The following NR5A2 variants were observed in gnomAD, a reference collection of about 807,000 sequenced individuals.
The protein encoded by NR5A2 is nuclear receptor subfamily 5 group A member 2, also known as CYP7A promoter-binding factor.
In NR5A2, 26 loss-of-function variants were observed where a neutral mutation model predicts 62.7. The ratio of observed to expected loss-of-function variants is 0.41; its 90% confidence interval spans 0.30 to 0.58. NR5A2 has a LOEUF of 0.58. Among genes scored for constraint, NR5A2 ranks in the 20% least tolerant of loss-of-function variants. The pLI, the probability that NR5A2 is intolerant of heterozygous loss-of-function variation, is 0.22. For missense variants in NR5A2, 541 were observed against 669.1 expected (o/e 0.81, Z 2.11); for synonymous variants, 246 against 241.7 (o/e 1.02, Z -0.16).
chr1:200,092,098 CT>C (rs1268381871), intron 5 of NR5A2, among the ~76,000 whole-genome samples: 1 of 152,064 alleles, frequency 6.6e-6, no homozygotes, highest in Non-Finnish European at 1.5e-5. Context: ...TCTCTCTGAA[CT>C]TTTTTGAGAG....
chr1:200,037,071 A>G (rs374647314), intron 1 of NR5A2, among the ~76,000 whole-genome samples: 1 of 152,242 alleles, frequency 6.6e-6, no homozygotes, highest in African/African-American at 2.4e-5. Flanking sequence ...ACCACTCTCC[A>G]TCTTTCGGGG....
At chr1:200,043,721 C>A in intron 2 of NR5A2, 53 bp from the exon 3 acceptor site, 1 of 1,149,910 alleles carries the variant, frequency 8.7e-7, no homozygotes, top group Non-Finnish European at 1.3e-6. Flanking sequence ...GCAGGATTAA[C>A]ACCTACATGT....
chr1:200,171,206 T>C (rs1377505126), intron 7 of NR5A2, among the ~76,000 whole-genome samples: 1 of 152,218 alleles, frequency 6.6e-6, no homozygotes, highest in African/African-American at 2.4e-5. Flanking sequence ...AAAATAGACA[T>C]TCGGCAAGTA....
chr1:200,075,965 TTC>T (rs1490100112), intron 5 of NR5A2, among the ~76,000 whole-genome samples: 1 of 152,200 alleles, frequency 6.6e-6, no homozygotes, highest in Non-Finnish European at 1.5e-5. Flanking sequence ...TGGTATTCTG[TTC>T]TCTTGATTTT....
chr1:200,116,472 C>T (rs1374026178), intron 6 of NR5A2, among the ~76,000 whole-genome samples: 4 of 151,986 alleles, frequency 2.6e-5, no homozygotes, highest in African/African-American at 9.7e-5. Flanking sequence ...CAGTGGCTCA[C>T]AAGTTTGCTT....
Position 200,174,350 on chromosome 1 carries a change from T to A in NR5A2, c.*140T>A. Reference sequence around the variant, plus strand: ...AAAAACTTGCTTTAAAGATATTGAATTTAAAAAGGCATAATAATCAAATAC... The same window carrying A: ...AAAAACTTGCTTTAAAGATATTGAAATTAAAAAGGCATAATAATCAAATAC... On this transcript the variant is annotated 3_prime_UTR_variant, in exon 8 of 8. Transcript: ENST00000367362. 2.4e-6 allele frequency: 2 copies of A among 822,754 alleles called. No homozygotes were observed. Among genetic ancestry groups the A allele is most frequent in the Admixed American group, 3.6e-5 (1 of 27,424 alleles). The allele number at this position is 822,754 out of a possible 1,614,324, so 51.0% of individuals were successfully genotyped here.
intron 5 of NR5A2, among the ~76,000 whole-genome samples, chr1:200,104,038 A>T (rs907676012): frequency 6.6e-6 from 1 of 152,002 alleles, no homozygotes; most frequent in African/African-American, 2.4e-5. Flanking sequence ...TGGCAAAAGG[A>T]GGTTAGGGGG....
chr1:200,076,351 C>A (rs976261035), intron 5 of NR5A2, among the ~76,000 whole-genome samples: 1 of 152,054 alleles, frequency 6.6e-6, no homozygotes, highest in East Asian at 1.9e-4. Context: ...CAGATGTTCA[C>A]GGGACAATGC....
chr1:200,149,427 T>A (rs1201863021), intron 7 of NR5A2, among the ~76,000 whole-genome samples: 1 of 152,224 alleles, frequency 6.6e-6, no homozygotes, highest in Non-Finnish European at 1.5e-5. Context: ...GTCCTGGGAT[T>A]ACTTGACTGC....
intron 5 of NR5A2, among the ~76,000 whole-genome samples, chr1:200,082,371 G>A (rs575129824): frequency 7.9e-5 from 12 of 152,116 alleles, no homozygotes; most frequent in Non-Finnish European, 1.5e-4. Flanking sequence ...AATATATTTT[G>A]TTGCTGCTGT....
intron 5 of NR5A2, among the ~76,000 whole-genome samples, chr1:200,067,097 T>C (rs1433559969): frequency 6.6e-6 from 1 of 152,184 alleles, no homozygotes; most frequent in African/African-American, 2.4e-5. Context: ...TAAATTTATT[T>C]CAGTAATTAA....
At chr1:200,040,382 C>A (rs533614255) in intron 2 of NR5A2, among the ~76,000 whole-genome samples, 1 of 152,230 alleles carries the variant, frequency 6.6e-6, no homozygotes, top group Non-Finnish European at 1.5e-5. Context: ...AACCCCATCC[C>A]CTGTACGCGT....
intron 7 of NR5A2, among the ~76,000 whole-genome samples, chr1:200,126,330 G>A (rs1166008580): frequency 1.3e-5 from 2 of 151,994 alleles, no homozygotes; most frequent in Non-Finnish European, 2.9e-5. Context: ...TATTTTTTCT[G>A]TGCTAAGTGA....
chr1:200,074,756 A>AAAAAC (rs1304164782), intron 5 of NR5A2, among the ~76,000 whole-genome samples: 1 of 137,638 alleles, frequency 7.3e-6, no homozygotes, highest in African/African-American at 2.7e-5. Flanking sequence ...AAAAAAAAAA[A>AAAAAC]CACGAGAGAA....
chr1:200,061,578 CGG>C (rs906644335), intron 5 of NR5A2, among the ~76,000 whole-genome samples: 1 of 152,116 alleles, frequency 6.6e-6, no homozygotes, highest in African/African-American at 2.4e-5. Context: ...GCGCCCGACC[CGG>C]GATTAACTTT....
At chr1:200,081,831 G>A (rs1375375548) in intron 5 of NR5A2, among the ~76,000 whole-genome samples, 5 of 145,888 alleles carry the variant, frequency 3.4e-5, no homozygotes, top group African/African-American at 1.0e-4. Context: ...ATTCTATACT[G>A]TTCATTTTAA....
At chr1:200,042,884 C>A (rs938571935) in intron 2 of NR5A2, 1 of 985,504 alleles carries the variant, frequency 1.0e-6, no homozygotes, top group East Asian at 1.1e-4. Context: ...CGGAGCAAGG[C>A]GGTTACCCGA....
chr1:200,121,286 T>C (rs185190672), intron 7 of NR5A2, among the ~76,000 whole-genome samples: 3 of 152,338 alleles, frequency 2.0e-5, no homozygotes, highest in East Asian at 1.9e-4. Context: ...ATGTATGGTA[T>C]CAAATTTTAG....
At chr1:200,054,861 C>T (rs1044521568) in intron 5 of NR5A2, among the ~76,000 whole-genome samples, 5 of 151,976 alleles carry the variant, frequency 3.3e-5, no homozygotes, top group African/African-American at 1.2e-4. Flanking sequence ...GAATCTGCCC[C>T]AATTTTAAGC....
Sources: allele counts gnomAD v4.1 joint callset (sites outside exome capture counted in the v4.1 genomes callset), GRCh38; gene constraint gnomAD v4.1.1; transcripts MANE v1.5; gene names NCBI Gene and HGNC (gene_info 2026-07-23, HGNC 2026-07-21).